The following SORBS2 variants were observed in gnomAD, a reference collection of about 807,000 sequenced individuals.
SORBS2 encodes sorbin and SH3 domain containing 2.
A neutral mutation model predicts 97.7 loss-of-function variants in SORBS2; 46 were observed. The ratio of observed to expected loss-of-function variants is 0.47; its 90% CI spans 0.37 to 0.60. The LOEUF (loss-of-function observed/expected upper bound fraction) is 0.60. Ranked by LOEUF, SORBS2 falls within the 20% of genes least tolerant of loss-of-function variation. The pLI, the probability that SORBS2 is intolerant of heterozygous loss-of-function variation, is 0.00. For synonymous variants in SORBS2, 476 were observed against 473.4 expected (o/e 1.01, Z -0.07); for missense variants, 1,316 against 1,282.3 (o/e 1.03, Z -0.40).
At chr4:185,895,381 C>T (rs1401639001) in intron 1 of SORBS2, among the ~76,000 whole-genome samples, 1 of 152,224 alleles carries the variant, frequency 6.6e-6, no homozygotes, top group Non-Finnish European at 1.5e-5. Context: ...GTAAGTCTTC[C>T]CTTGTCCTCA....
chr4:185,942,655 T>G (rs908331022), intron 1 of SORBS2, among the ~76,000 whole-genome samples: 2 of 152,172 alleles, frequency 1.3e-5, no homozygotes, highest in African/African-American at 4.8e-5. Context: ...GGCCCCATAT[T>G]TTCTTTACTC....
chr4:185,865,646 C>T (rs1201265523), intron 1 of SORBS2, among the ~76,000 whole-genome samples: 3 of 152,198 alleles, frequency 2.0e-5, no homozygotes, highest in Admixed American at 6.5e-5. Context: ...CCACTCAGGA[C>T]ATTTTCAAGG....
At chr4:185,615,708 G>A (rs1037550431) in intron 9 of SORBS2, among the ~76,000 whole-genome samples, 3 of 152,088 alleles carry the variant, frequency 2.0e-5, no homozygotes, top group South Asian at 4.1e-4. Flanking sequence ...ATCTTGATAA[G>A]GAATTTATTT....
intron 1 of SORBS2, among the ~76,000 whole-genome samples, chr4:185,805,155 G>A (rs890984179): frequency 6.6e-6 from 1 of 152,004 alleles, no homozygotes; most frequent in African/African-American, 2.4e-5. Context: ...TGTTGCATTT[G>A]AGCTTTATCT....
chr4:185,760,527 C>T (rs754826692), intron 2 of SORBS2, among the ~76,000 whole-genome samples: 23 of 152,124 alleles, frequency 1.5e-4, no homozygotes, highest in Non-Finnish European at 2.5e-4. Flanking sequence ...CGCGCCATTG[C>T]GCTCCAGCCT....
At chr4:185,748,586 C>T (rs2098779041) in intron 2 of SORBS2, among the ~76,000 whole-genome samples, 1 of 152,186 alleles carries the variant, frequency 6.6e-6, no homozygotes, top group African/African-American at 2.4e-5. Flanking sequence ...AGGACCTCAG[C>T]ACTGATGACG....
intron 1 of SORBS2, among the ~76,000 whole-genome samples, chr4:185,870,751 G>A (rs941882674): frequency 2.6e-5 from 4 of 152,234 alleles, no homozygotes; most frequent in African/African-American, 9.6e-5. Context: ...GTGAGGTGAT[G>A]TGATGGGAAG....
chr4:185,942,718 T>C (rs1204346286), intron 1 of SORBS2, among the ~76,000 whole-genome samples: 1 of 152,214 alleles, frequency 6.6e-6, no homozygotes, highest in Non-Finnish European at 1.5e-5. Flanking sequence ...ATTTCCACCT[T>C]TGCCCCTTAT....
At chr4:185,727,492 C>T (rs10011292) in intron 2 of SORBS2, among the ~76,000 whole-genome samples, 140,163 of 152,286 alleles carry the variant, frequency 0.92, 64,538 homozygotes, top group African/African-American at 0.96. Context: ...TTTGATTGTT[C>T]TGAAATCAGT....
chr4:185,657,301 C>T (rs2097422901), upstream of SORBS2: 2 of 816,086 alleles, frequency 2.5e-6, no homozygotes, highest in East Asian at 3.3e-5. Flanking sequence ...CATGAGAAGT[C>T]GGATGGCACG....
intron 1 of SORBS2, among the ~76,000 whole-genome samples, chr4:185,898,928 GC>G (rs2099246256): frequency 6.6e-6 from 1 of 152,092 alleles, no homozygotes; most frequent in Non-Finnish European, 1.5e-5. Context: ...ATCCACTCTT[GC>G]CTAGGGGATG....
chr4:185,646,540 AAAAT>A, intron 4 of SORBS2, 124 bp downstream of exon 13: 1 of 611,424 alleles, frequency 1.6e-6, no homozygotes, highest in South Asian at 2.1e-5. Context: ...ATCATTATAC[AAAAT>A]AAACATGATT....
chr4:185,900,016 G>T (rs2099246891), intron 1 of SORBS2, among the ~76,000 whole-genome samples: 1 of 152,158 alleles, frequency 6.6e-6, no homozygotes, highest in African/African-American at 2.4e-5. Flanking sequence ...TACTAAGGAG[G>T]CTGAGGAAGG....
At chr4:185,598,669 T>A (rs1000952425) in intron 12 of SORBS2, among the ~76,000 whole-genome samples, 1 of 152,354 alleles carries the variant, frequency 6.6e-6, no homozygotes, top group South Asian at 2.1e-4. Flanking sequence ...TATCTTTTTT[T>A]ATAAAATATT....
At chr4:185,617,524 A>G (rs2096647325) in intron 9 of SORBS2, among the ~76,000 whole-genome samples, 1 of 125,408 alleles carries the variant, frequency 8.0e-6, no homozygotes. Context: ...TATTTTGGTT[A>G]TTATATATAT....
intron 1 of SORBS2, among the ~76,000 whole-genome samples, chr4:185,933,616 G>A (rs184187059): frequency 6.6e-6 from 1 of 151,870 alleles, no homozygotes. Flanking sequence ...ATCTTTGCAC[G>A]GTATTCCCCT....
chr4:185,926,148 A>C (rs1253322670), intron 1 of SORBS2, among the ~76,000 whole-genome samples: 1 of 152,222 alleles, frequency 6.6e-6, no homozygotes, highest in Non-Finnish European at 1.5e-5. Flanking sequence ...ATCTCACGTG[A>C]AACAAATGGA....
chr4:185,871,630 A>G (rs987353505), intron 1 of SORBS2, among the ~76,000 whole-genome samples: 1 of 152,192 alleles, frequency 6.6e-6, no homozygotes, highest in African/African-American at 2.4e-5. Flanking sequence ...TGCCTTCACT[A>G]ATGAGGAAAT....
intron 2 of SORBS2, among the ~76,000 whole-genome samples, chr4:185,650,195 A>G (rs2097289150): frequency 6.6e-6 from 1 of 152,246 alleles, no homozygotes; most frequent in Non-Finnish European, 1.5e-5. Context: ...GCACCTGGGA[A>G]AATCAGACAC....
Sources: allele counts gnomAD v4.1 joint callset (sites outside exome capture counted in the v4.1 genomes callset), GRCh38; gene constraint gnomAD v4.1.1; transcripts MANE v1.5; gene names NCBI Gene and HGNC (gene_info 2026-07-23, HGNC 2026-07-21).